The following TSC1 variants were observed in gnomAD, a reference collection of about 807,000 sequenced individuals.
TSC1 encodes TSC complex subunit 1.
A neutral mutation model predicts 124.3 loss-of-function variants in TSC1; 20 were observed. That is an observed-to-expected ratio of 0.16 (90% CI 0.11 to 0.23). The LOEUF is 0.23. TSC1 is among the 10% of genes least tolerant of loss of function. TSC1 has a pLI of 1.00. For missense variants in TSC1, 1,124 were observed against 1,448.5 expected (o/e 0.78, Z 3.64); for synonymous variants, 493 against 539.1 (o/e 0.91, Z 1.19).
At chr9:132,936,430 T>A (rs1322499678) in intron 1 of TSC1, among the ~76,000 whole-genome samples, 5 of 152,210 alleles carry the variant, frequency 3.3e-5, no homozygotes, top group Non-Finnish European at 1.5e-5. Flanking sequence ...ATTTCTTAAA[T>A]AAATGTGCAA....
upstream of TSC1, chr9:132,944,745 G>T (rs144677866): frequency 7.7e-3 from 3,076 of 397,482 alleles, 88 homozygotes; most frequent in African/African-American, 0.056. Flanking sequence ...CCCGCCGGAA[G>T]GAAGAGGCTC....
At chr9:132,934,799 C>T (rs1239596315) in intron 2 of TSC1, among the ~76,000 whole-genome samples, 1 of 152,178 alleles carries the variant, frequency 6.6e-6, no homozygotes, top group African/African-American at 2.4e-5. Flanking sequence ...GGGGAAACAC[C>T]AAAAGCGTGG....
chr9:132,936,571 T>G (rs935907138), intron 1 of TSC1, among the ~76,000 whole-genome samples: 1 of 152,242 alleles, frequency 6.6e-6, no homozygotes, highest in African/African-American at 2.4e-5. Flanking sequence ...TAACTTGTAT[T>G]AAATATCCAT....
intron 1 of TSC1, among the ~76,000 whole-genome samples, chr9:132,942,971 T>C (rs752519347): frequency 3.3e-5 from 5 of 152,220 alleles, no homozygotes; most frequent in African/African-American, 4.8e-5. Context: ...TTTTCACATT[T>C]GCATATTCCA....
intron 20 of TSC1, 33 bp downstream of exon 20, chr9:132,900,682 C>A (rs1213018439): frequency 6.2e-7 from 1 of 1,613,202 alleles, no homozygotes; most frequent in Admixed American, 1.7e-5. Context: ...AACGCTTTCC[C>A]CACTAAGGTC....
At chr9:132,929,293 CA>C (rs1847073009) in intron 2 of TSC1, among the ~76,000 whole-genome samples, 1 of 152,174 alleles carries the variant, frequency 6.6e-6, no homozygotes, top group Non-Finnish European at 1.5e-5. Context: ...ATTTATATTT[CA>C]AATTATTGAT....
intron 4 of TSC1, chr9:132,926,106 A>C (rs1846846353): frequency 3.2e-6 from 1 of 311,460 alleles, no homozygotes. Context: ...AACCCAGCCT[A>C]CATGGTTTGG....
rs1182078270 is a variant in TSC1 at position 132,896,713 on chromosome 9, C to T, written c.3017G>A (p.Gly1006Glu). 1 of 1,613,954 alleles carries T rather than the reference C, an allele frequency of 6.2e-7. No homozygotes were observed. The stretch of plus-strand genomic sequence containing the variant: ...GTGGCCAGATGCCTCTTCATTGTGC[C>T]CTACCATGGAATCTGAGCACCCGTC... ...CNDGCSDSMV[G>E]HNEEASGHNG... The change falls in exon 23 of 23, where the codon GGG becomes GAG. Residue 1006 changes from glycine (G) to glutamate (E), a missense_variant. Transcript: ENST00000298552. This position sits in a 1 kb window ranked among gnomAD's most constrained non-coding sequence, Gnocchi z 4.5.
chr9:132,898,828 T>C lies in TSC1; in HGVS notation c.2626-1218A>G, dbSNP rs965144424. On this transcript the variant is annotated intron_variant, in intron 20 of 22. Coordinates refer to ENST00000298552, the MANE Select transcript of TSC1 (RefSeq NM_000368.5). ...TCCAGGTTCAGGAGCAAATCCTGAC[T>C]GGGTTGAGGCAATGACTAGGCTAGG... 5.3e-5 allele frequency among the ~76,000 whole-genome samples: 8 copies of C among 152,176 alleles called. No homozygotes were observed. The South Asian group carries it at 1.0e-3, about 20-fold the overall frequency.
intron 9 of TSC1, 57 bp from the exon 10 acceptor site, chr9:132,911,625 T>TAAAAAA (rs11364856): frequency 3.0e-4 from 50 of 169,184 alleles, no homozygotes; most frequent in African/African-American, 2.1e-3. Context: ...TTATTCTGGT[T>TAAAAAA]AAAAAAAAAA....
chr9:132,904,640 C>T (rs1003796909), intron 15 of TSC1, among the ~76,000 whole-genome samples, 186 bp from the exon 16 acceptor site: 1 of 152,230 alleles, frequency 6.6e-6, no homozygotes, highest in African/African-American at 2.4e-5. Context: ...CAATGGGAGG[C>T]GGCCCTCGCC....
At chr9:132,939,061 C>T (rs1261405342) in intron 1 of TSC1, 1 of 152,172 alleles carries the variant, frequency 6.6e-6, no homozygotes, top group Non-Finnish European at 1.5e-5. Flanking sequence ...AAGGACAATT[C>T]AGACACAGGT....
In TSC1 at chr9:132,927,302, G is replaced by A. The variant is rs1309560054; in HGVS notation, c.109C>T (p.Arg37Cys). Residue 37 changes from arginine (R) to cysteine (C), a missense_variant and splice_region_variant, in exon 4 of 23, where the codon CGT becomes TGT. Transcript: ENST00000298552. ...AAGGTGTTTACAAGCATAGGGCCAC[G>A]GTCTAAATCAAGAAAAGGGCAATGG... ...AVFKENLNSD[R>C]GPMLVNTLVD... The A allele has an allele frequency of 4.3e-6, 7 of 1,613,222 alleles. No individual in the cohort carries two copies. The highest frequency in any genetic ancestry group is 2.2e-5 in the East Asian group (1 of 44,886).
intron 20 of TSC1, among the ~76,000 whole-genome samples, 163 bp from the exon 21 acceptor site, chr9:132,897,773 T>A (rs1336509253): frequency 6.6e-6 from 1 of 152,194 alleles, no homozygotes; most frequent in Non-Finnish European, 1.5e-5. Flanking sequence ...GCTGGTAGTA[T>A]TATCCTAGTA....
intron 2 of TSC1, among the ~76,000 whole-genome samples, chr9:132,932,664 C>T (rs1847262573): frequency 6.6e-6 from 1 of 152,322 alleles, no homozygotes; most frequent in South Asian, 2.1e-4. Flanking sequence ...CTCCCAACCC[C>T]CCTCTGCCTC....
chr9:132,934,536 G>A (rs1462211851), intron 2 of TSC1: 1 of 152,382 alleles, frequency 6.6e-6, no homozygotes, highest in Non-Finnish European at 1.5e-5. Flanking sequence ...TCTGGAGCAG[G>A]TTAACTAAGG....
chr9:132,914,862 C>CT (rs1455039681), intron 8 of TSC1, among the ~76,000 whole-genome samples: 1 of 150,888 alleles, frequency 6.6e-6, no homozygotes, highest in East Asian at 2.0e-4. Flanking sequence ...GGGCTAGACT[C>CT]TGAAAAAAAG....
chr9:132,926,201 G>A, intron 4 of TSC1: 1 of 211,246 alleles, frequency 4.7e-6, no homozygotes, highest in Non-Finnish European at 9.6e-6. Context: ...AGTGGCTCAT[G>A]CCGGCAATCC....
At chr9:132,913,479 G>A (rs1846077076) in intron 8 of TSC1, among the ~76,000 whole-genome samples, 1 of 152,030 alleles carries the variant, frequency 6.6e-6, no homozygotes, top group Admixed American at 6.5e-5. Context: ...TAACCCTTTG[G>A]TTGAACTTTG....
Sources: gnomAD v4.1 joint callset for allele counts (sites outside exome capture counted in the v4.1 genomes callset) on GRCh38, gnomAD v4.1.1 for gene constraint, Gnocchi (gnomAD v3.1) non-coding constraint, MANE v1.5 for transcripts, NCBI Gene and HGNC (gene_info 2026-07-23, HGNC 2026-07-21) for gene names.